DHODH: variants seen among roughly 807,000 people sequenced by gnomAD.
The protein encoded by DHODH is dihydroorotate dehydrogenase (quinone), also known as dihydroorotate dehydrogenase (quinone), mitochondrial.
A neutral mutation model predicts 39.7 loss-of-function variants in DHODH; 30 were observed. The observed-to-expected ratio is 0.76, with a 90% CI of 0.57 to 1.02. The LOEUF is 1.02. DHODH is among the 50% of genes least tolerant of loss of function. DHODH has a pLI of 0.00. For synonymous variants in DHODH, 222 were observed against 213.8 expected (o/e 1.04, Z -0.34); for missense variants, 531 against 520.8 (o/e 1.02, Z -0.19).
chr16:72,023,226 G>C lies in DHODH; in HGVS notation c.881G>C (p.Gly294Ala). 1 of 1,614,212 alleles carries C rather than the reference G, an allele frequency of 6.2e-7. No homozygotes were observed. The highest frequency in any genetic ancestry group is 8.5e-7 in the Non-Finnish European group (1 of 1,180,036). ...GTGAGTCGCCCTGCGGGCCTCCAGGGTGCCCTGCGCTCTGAAACAGGAGGG... is the reference window on the plus strand; with the variant it reads ...GTGAGTCGCCCTGCGGGCCTCCAGGCTGCCCTGCGCTCTGAAACAGGAGGG... ...TTVSRPAGLQ[G>A]ALRSETGGLS... The change falls in exon 7 of 9, where the codon GGT becomes GCT. Residue 294 changes from glycine (G) to alanine (A), a missense_variant. By Grantham distance (60) the Gly-to-Ala change is moderately conservative. Coordinates refer to ENST00000219240, the MANE Select transcript of DHODH (RefSeq NM_001361.5).
intron 4 of DHODH, among the ~76,000 whole-genome samples, chr16:72,020,091 C>A (rs951600786): frequency 6.6e-6 from 1 of 151,932 alleles, no homozygotes; most frequent in African/African-American, 2.4e-5. Flanking sequence ...TCCTGGCCAA[C>A]ATGGTGAAAC....
At chr16:72,013,159 C>T (rs1342984072) in intron 2 of DHODH, among the ~76,000 whole-genome samples, 1 of 146,940 alleles carries the variant, frequency 6.8e-6, no homozygotes, top group Non-Finnish European at 1.5e-5. Flanking sequence ...CTACCTTAGA[C>T]TCCTCTTCAC....
chr16:72,023,535 C>T lies in DHODH; in HGVS notation c.1035C>T (p.Ile345=), dbSNP rs912401335. 1 of 1,614,088 alleles carries T rather than the reference C, an allele frequency of 6.2e-7. No homozygotes were observed. The highest frequency in any genetic ancestry group is 8.5e-7 in the Non-Finnish European group (1 of 1,180,040). ...GCGGGCAGGACGCGCTGGAGAAGAT[C>T]CGGGCAGGGGCCTCCCTGGTGCAGC... The part of the protein sequence containing the change: ...VSSGQDALEK[I]RAGASLVQLY... Residue 345 remains isoleucine, a synonymous_variant, in exon 8 of 9, where the codon ATC becomes ATT. Coordinates refer to ENST00000219240, the MANE Select transcript of DHODH (RefSeq NM_001361.5).
intron 5 of DHODH, 53 bp downstream of exon 5, chr16:72,021,364 C>T: frequency 1.3e-6 from 2 of 1,538,660 alleles, no homozygotes; most frequent in Non-Finnish European, 1.8e-6. Flanking sequence ...GTCCCACCTG[C>T]TCCCCTTCAT....
At chr16:72,009,087 G>A in intron 1 of DHODH, 17 of 1,342,724 alleles carry the variant, frequency 1.3e-5, no homozygotes, top group Non-Finnish European at 1.4e-5. Flanking sequence ...ACCGCCTAGC[G>A]TTGTGTGCCG....
rs745617898 is a variant in DHODH at position 72,021,183 on chromosome 16, G to A, written c.577G>A (p.Asp193Asn). 3.1e-6 allele frequency: 5 copies of A among 1,610,160 alleles called. No individual in the cohort carries two copies. In the African/African-American group the frequency reaches 6.7e-5, roughly 22 times the overall value. The change falls in exon 5 of 9, where the codon GAC becomes AAC. Residue 193 changes from aspartate to asparagine, a missense_variant. Coordinates refer to ENST00000219240, the MANE Select transcript of DHODH (RefSeq NM_001361.5). ...KNKTSVDAAE[D>N]YAEGVRVLGP... is the part of the protein sequence containing the mutation. ...CAAGACCTCAGTGGACGCCGCGGAG[G>A]ACTACGCAGAAGGGGTGCGCGTACT...
chr16:72,018,181 AC>A (rs2143986263), intron 4 of DHODH, among the ~76,000 whole-genome samples: 1 of 151,770 alleles, frequency 6.6e-6, no homozygotes, highest in African/African-American at 2.4e-5. Context: ...TGTTGTCCTG[AC>A]CCTAATGCCC....
At chr16:72,012,357 A>C in intron 2 of DHODH, 95 bp downstream of exon 2, 2 of 1,100,820 alleles carry the variant, frequency 1.8e-6, no homozygotes, top group Non-Finnish European at 2.7e-6. Context: ...GAAAACCAGA[A>C]CCCCAAGTGA....
chr16:72,024,320 T>TGGG lies in DHODH; in HGVS notation c.*122_*123insGGG. 1.2e-5 allele frequency: 14 copies of TGGG among 1,125,456 alleles called. No homozygotes were observed. The highest frequency in any genetic ancestry group is 1.7e-5 in the Non-Finnish European group (13 of 749,730). 69.7% of individuals were successfully genotyped at this position (1,125,456 alleles called of 1,614,324 possible). A position where few individuals can be genotyped will look rare whatever the true frequency, so the allele number is the denominator to read the frequency against. On this transcript the variant is annotated 3_prime_UTR_variant, in exon 9 of 9. Coordinates refer to ENST00000219240, the MANE Select transcript of DHODH (RefSeq NM_001361.5). ...CCATGTCCCCCAGCCATGGCATGGC[T>TGGG]GCACTGTAAACGCCAATCGGGGGGT... is the stretch of plus-strand genomic sequence containing the variant.
rs2041255123 is a variant in DHODH, at chr16:72,024,183, C to T, written c.1172C>T (p.Ala391Val). The change falls in exon 9 of 9, where the codon GCA (alanine) becomes GTA (valine). Residue 391 changes from alanine to valine, a missense_variant. Transcript: ENST00000219240. ...GFGGVTDAIGADHRR is the reference protein window; with the variant it reads ...GFGGVTDAIGVDHRR ...GGCGGAGTCACAGATGCCATTGGAG[C>T]AGATCATCGGAGGTGAGGACAGCGT... The T allele has an allele frequency of 1.9e-6, 3 of 1,614,166 alleles. No individual in the cohort carries two copies. The highest frequency in any genetic ancestry group is 2.5e-6 in the Non-Finnish European group (3 of 1,180,026).
At chr16:72,013,514 T>G (rs964115989) in intron 2 of DHODH, 1 of 152,226 alleles carries the variant, frequency 6.6e-6, no homozygotes, top group Non-Finnish European at 1.5e-5. Context: ...CTCAGACTTT[T>G]TAACCGGTAA....
rs1231379318 is a variant in DHODH at position 72,026,510 on chromosome 16, A to G, written c.*2311A>G. ...ATTCTTCAGCCTCAGCCTCCAGAGTAGCTGGGACTACAGGTGCATGCCACT... is the reference window on the plus strand; with the variant it reads ...ATTCTTCAGCCTCAGCCTCCAGAGTGGCTGGGACTACAGGTGCATGCCACT... On this transcript the variant is annotated 3_prime_UTR_variant, in exon 9 of 9. Coordinates refer to ENST00000219240, the MANE Select transcript of DHODH (RefSeq NM_001361.5). 1.3e-5 allele frequency: 2 copies of G among 152,028 alleles called. No individual in the cohort carries two copies. Among genetic ancestry groups the G allele is most frequent in the Admixed American group, 1.3e-4 (2 of 15,234 alleles). The allele number at this position is 152,028 out of a possible 1,614,324, so 9.4% of individuals were successfully genotyped here.
At chr16:72,013,965 G>T (rs1161845450) in intron 2 of DHODH, among the ~76,000 whole-genome samples, 2 of 152,174 alleles carry the variant, frequency 1.3e-5, no homozygotes, top group African/African-American at 4.8e-5. Flanking sequence ...GAGGCTGGGG[G>T]ACGTGGCTGG....
intron 1 of DHODH, chr16:72,009,189 T>C (rs1443200671): frequency 9.5e-7 from 1 of 1,049,556 alleles, no homozygotes; most frequent in South Asian, 2.8e-5. Context: ...GAAAAGTTCT[T>C]AGCTGTATCC....
rs1468875284 is a variant in DHODH, at chr16:72,012,215, T to G, written c.187T>G (p.Ser63Ala). Residue 63 changes from serine to alanine, a missense_variant, in exon 2 of 9, where the codon TCC becomes GCC. Transcript: ENST00000219240. The part of the protein sequence containing the change: ...SAHRLAVRFT[S>A]LGLLPRARFQ... ...CCACAGACTGGCTGTTCGCTTCACC[T>G]CCCTGGGGCTCCTTCCACGGGCCAG... The G allele has an allele frequency of 6.2e-7, 1 of 1,614,082 alleles. No individual in the cohort carries two copies. The highest frequency in any genetic ancestry group is 8.5e-7 in the Non-Finnish European group (1 of 1,180,006).
Position 72,025,010 on chromosome 16 carries a change from C to T in DHODH, c.*811C>T, listed in dbSNP as rs2041264109. 1.3e-5 allele frequency: 2 copies of T among 152,260 alleles called. No individual in the cohort carries two copies. The highest frequency in any genetic ancestry group is 6.5e-5 in the Admixed American group (1 of 15,280). 9.4% of individuals were successfully genotyped at this position (152,260 alleles called of 1,614,324 possible). ...CAAATTTTCCCGTTTCTCTCTGTCC[C>T]TTTCTCTATAACATGGATAAAATAT... On this transcript the variant is annotated 3_prime_UTR_variant, in exon 9 of 9. Coordinates refer to ENST00000219240, the MANE Select transcript of DHODH (RefSeq NM_001361.5).
rs763103778 is a variant in DHODH, at chr16:72,023,503, G to A, written c.1003G>A (p.Val335Met). The A allele has an allele frequency of 2.5e-6, 4 of 1,614,156 alleles. No homozygotes were observed. Among genetic ancestry groups the A allele is most frequent in the Admixed American group, 1.7e-5 (1 of 60,032 alleles). The change falls in exon 8 of 9, where the codon GTG becomes ATG. Residue 335 changes from valine to methionine, a missense_variant. Coordinates refer to ENST00000219240, the MANE Select transcript of DHODH (RefSeq NM_001361.5). ...GRVPIIGVGGVSSGQDALEKI... is the reference protein window; with the variant it reads ...GRVPIIGVGGMSSGQDALEKI... ...AGTTCCCATAATTGGGGTTGGTGGT[G>A]TGAGCAGCGGGCAGGACGCGCTGGA...
chr16:72,021,345 C>T, intron 5 of DHODH, 34 bp downstream of exon 5: 1 of 1,569,042 alleles, frequency 6.4e-7, no homozygotes, highest in East Asian at 2.3e-5. Context: ...GGCCCTGTCC[C>T]ACCAGCCTGT....
chr16:72,016,376 TGAAA>T, intron 3 of DHODH: 1 of 157,546 alleles, frequency 6.3e-6, no homozygotes, highest in Non-Finnish European at 1.4e-5. Context: ...GATACAGGGA[TGAAA>T]GAGAGATGAG....
Sources: gnomAD v4.1 joint callset for allele counts (sites outside exome capture counted in the v4.1 genomes callset) on GRCh38, gnomAD v4.1.1 for gene constraint, MANE v1.5 for transcripts, NCBI Gene and HGNC (gene_info 2026-07-23, HGNC 2026-07-21) for gene names.